FAHD1: variants seen among roughly 807,000 people sequenced by gnomAD.
FAHD1 encodes the protein oxaloacetate tautomerase FAHD1, mitochondrial.
In FAHD1, 14 loss-of-function variants were observed where a neutral mutation model predicts 12.7. The ratio of observed to expected loss-of-function variants is 1.10; its 90% CI spans 0.73 to 1.72. The LOEUF is 1.72. Ranked by LOEUF, FAHD1 falls within the 40% of genes most tolerant of loss-of-function variation. The probability of loss-of-function intolerance (pLI) is 0.00; values close to 1 mark genes in which losing one functional copy is unlikely to be tolerated. For missense variants in FAHD1, 351 were observed against 298.9 expected, an observed-to-expected ratio of 1.17 and a Z score of -1.29; for synonymous variants, 153 against 124.9, an observed-to-expected ratio of 1.22 and a Z score of -1.50.
intron 1 of FAHD1, among the ~76,000 whole-genome samples, chr16:1,836,514 T>C (rs1289296170): frequency 6.6e-6 from 1 of 152,020 alleles, no homozygotes; most frequent in East Asian, 1.9e-4. Context: ...TAGGGGCCCA[T>C]GCTAACTGTT....
chr16:1,838,032 T>A (rs751059643), exon 2 of FAHD1: 6 of 1,364,670 alleles, frequency 4.4e-6, no homozygotes. Flanking sequence ...GGTCTCACTC[T>A]GTCGCCCAAG....
chr16:1,830,917 T>C (rs199922891), downstream of FAHD1, among the ~76,000 whole-genome samples: 26,064 of 114,602 alleles, frequency 0.23, 2,518 homozygotes, highest in South Asian at 0.31. Context: ...TCTCTCTCTA[T>C]ACACACACAC....
chr16:1,837,447 C>A (rs1301181798), intron 1 of FAHD1, among the ~76,000 whole-genome samples: 2 of 152,104 alleles, frequency 1.3e-5, no homozygotes, highest in Non-Finnish European at 2.9e-5. Context: ...TTCAGGTGAT[C>A]CTCCCACCTC....
At chr16:1,829,121 C>T (rs1170898107), downstream of FAHD1, among the ~76,000 whole-genome samples, 1 of 152,148 alleles carries the variant, frequency 6.6e-6, no homozygotes, top group Non-Finnish European at 1.5e-5. Context: ...CTCTTGCCTG[C>T]ACCCTCCTCT....
exon 1 of FAHD1, chr16:1,827,246 C>A (rs373607849): frequency 1.7e-5 from 27 of 1,603,794 alleles, no homozygotes; most frequent in Non-Finnish European, 2.3e-5. Context: ...ATCATGGCAG[C>A]ATCCAGGCCA....
chr16:1,836,494 A>G (rs1432737539), intron 1 of FAHD1, among the ~76,000 whole-genome samples: 1 of 152,050 alleles, frequency 6.6e-6, no homozygotes, highest in Non-Finnish European at 1.5e-5. Context: ...ACTTGCAAAG[A>G]GACAGTATTT....
At chr16:1,836,972 G>T (rs1898764467) in intron 1 of FAHD1, among the ~76,000 whole-genome samples, 1 of 152,178 alleles carries the variant, frequency 6.6e-6, no homozygotes, top group Admixed American at 6.5e-5. Flanking sequence ...ACCATGAAGT[G>T]AAGCAACTAG....
At chr16:1,831,515 C>T (rs1017587597), downstream of FAHD1, among the ~76,000 whole-genome samples, 10 of 152,116 alleles carry the variant, frequency 6.6e-5, no homozygotes, top group Admixed American at 3.9e-4. Context: ...ATTTTCTGAC[C>T]CTCATAGAAG....
At chr16:1,829,626 T>C (rs1042575567), downstream of FAHD1, among the ~76,000 whole-genome samples, 1 of 152,086 alleles carries the variant, frequency 6.6e-6, no homozygotes, top group Non-Finnish European at 1.5e-5. Flanking sequence ...GATTTCTTTA[T>C]TAAGTATCAT....
intron 1 of FAHD1, among the ~76,000 whole-genome samples, chr16:1,835,780 G>A (rs570061233): frequency 6.6e-5 from 10 of 152,208 alleles, no homozygotes; most frequent in African/African-American, 2.2e-4. Flanking sequence ...CCCTATAGAG[G>A]AGCCCAGAGG....
At position 1,828,340 on chromosome 16, in the gene FAHD1, T is replaced by C. The variant is rs538162821; in HGVS notation, c.*436T>C. ...GATTAGATTGCTATGCCTCAACTCATAGAAGATGAACCCTTCAAGAAAACG... is the reference window on the plus strand; with the variant it reads ...GATTAGATTGCTATGCCTCAACTCACAGAAGATGAACCCTTCAAGAAAACG... On this transcript the variant is annotated 3_prime_UTR_variant, in exon 1 of 1. Transcript: ENST00000427358. 3.7e-4 allele frequency: 371 copies of C among 1,000,160 alleles called. 7 individuals are homozygous for C. The South Asian group carries it at 0.015, about 40-fold the overall frequency. The allele number at this position is 1,000,160 out of a possible 1,614,324, so 62.0% of individuals were successfully genotyped here. A position where few individuals can be genotyped will look rare whatever the true frequency, so the allele number is the denominator to read the frequency against.
chr16:1,827,843 T>A, exon 1 of FAHD1: 3 of 1,614,036 alleles, frequency 1.9e-6, no homozygotes, highest in Non-Finnish European at 2.5e-6. Flanking sequence ...AACGATGAGA[T>A]CGAGGCTGGC....
exon 3 of FAHD1, chr16:1,839,672 T>C: frequency 2.3e-6 from 1 of 437,138 alleles, no homozygotes; most frequent in South Asian, 3.3e-5. Context: ...CTGCCCTCCT[T>C]CCCTCCCTCT....
At chr16:1,833,561 T>C (rs1448040173), downstream of FAHD1, among the ~76,000 whole-genome samples, 9 of 147,846 alleles carry the variant, frequency 6.1e-5, no homozygotes, top group Admixed American at 6.7e-5. Context: ...GTACTTTTTT[T>C]TTTTTTTTTT....
intron 1 of FAHD1, chr16:1,837,719 C>A: frequency 1.2e-6 from 1 of 837,430 alleles, no homozygotes; most frequent in South Asian, 2.1e-5. Context: ...CTAGGTTTTT[C>A]TTATGGTTTG....
chr16:1,836,563 G>A (rs770032120), intron 1 of FAHD1, among the ~76,000 whole-genome samples: 14 of 147,360 alleles, frequency 9.5e-5, no homozygotes, highest in Non-Finnish European at 2.2e-4. Flanking sequence ...TACTGCCTTT[G>A]GCCTGGTAGT....
chr16:1,831,951 C>G (rs1330927961), downstream of FAHD1, among the ~76,000 whole-genome samples: 2 of 152,146 alleles, frequency 1.3e-5, no homozygotes, highest in African/African-American at 2.4e-5. Context: ...AAACCATTCC[C>G]AGGTGCCAAA....
intron 1 of FAHD1, among the ~76,000 whole-genome samples, chr16:1,837,005 T>G (rs998851826): frequency 6.6e-6 from 1 of 152,140 alleles, no homozygotes; most frequent in Non-Finnish European, 1.5e-5. Flanking sequence ...CAGTCTCACC[T>G]GTGACCCAGT....
downstream of FAHD1, among the ~76,000 whole-genome samples, chr16:1,829,868 C>CT (rs140341882): frequency 5.3e-5 from 8 of 149,722 alleles, no homozygotes; most frequent in African/African-American, 4.9e-5. Context: ...TTCTTTCTTT[C>CT]TTTTTTCTTT....
Sources: gnomAD v4.1 joint callset for allele counts (sites outside exome capture counted in the v4.1 genomes callset) on GRCh38, gnomAD v4.1.1 for gene constraint, MANE v1.5 for transcripts, NCBI Gene and HGNC (gene_info 2026-07-23, HGNC 2026-07-21) for gene names.